CD2AP: variants seen among roughly 807,000 people sequenced by gnomAD.
CD2AP encodes CD2-associated protein.
A neutral mutation model predicts 85.1 loss-of-function variants in CD2AP; 46 were observed. The ratio of observed to expected loss-of-function variants is 0.54; its 90% CI spans 0.43 to 0.69. The LOEUF (loss-of-function observed/expected upper bound fraction) is 0.69, where lower values mean the gene tolerates loss of function less well. Among genes scored for constraint, CD2AP ranks in the 30% least tolerant of loss-of-function variants. The pLI is 0.00. For synonymous variants in CD2AP, 255 were observed against 252.9 expected, an observed-to-expected ratio of 1.01 and a Z score of -0.08; for missense variants, 769 against 729.5, an observed-to-expected ratio of 1.05 and a Z score of -0.62.
rs544446663 is a variant in CD2AP at position 47,567,154 on chromosome 6, T to G, written c.542-6910T>G. On this transcript the variant is annotated intron_variant, in intron 5 of 17. Transcript: ENST00000359314. Reference sequence around the variant, plus strand: ...TGGAAATTTGGTGGTTTTTCACTATTGTAGTCCATTTGTTTGCTGCTATCT... The same window carrying G: ...TGGAAATTTGGTGGTTTTTCACTATGGTAGTCCATTTGTTTGCTGCTATCT... 2.0e-4 allele frequency among the ~76,000 whole-genome samples: 31 copies of G among 152,208 alleles called. No homozygotes were observed. The South Asian group carries it at 6.2e-3, about 31-fold the overall frequency.
chr6:47,571,821 T>C (rs970421821), intron 5 of CD2AP, among the ~76,000 whole-genome samples: 4 of 152,148 alleles, frequency 2.6e-5, no homozygotes, highest in African/African-American at 9.7e-5. Context: ...AGAGGCGAAG[T>C]GGGGCTAAAT....
chr6:47,551,905 A>G (rs1181700727), intron 4 of CD2AP, among the ~76,000 whole-genome samples: 3 of 152,152 alleles, frequency 2.0e-5, no homozygotes, highest in Non-Finnish European at 4.4e-5. Flanking sequence ...CGGACTTACT[A>G]TATGGCAGTT....
At chr6:47,503,785 A>G (rs558962217) in intron 2 of CD2AP, among the ~76,000 whole-genome samples, 1 of 152,326 alleles carries the variant, frequency 6.6e-6, no homozygotes, top group East Asian at 1.9e-4. Flanking sequence ...AGCCTACAGT[A>G]TACTTGTGAA....
At chr6:47,485,642 G>C (rs9349407) in intron 1 of CD2AP, among the ~76,000 whole-genome samples, 35,025 of 152,052 alleles carry the variant, frequency 0.23, 4,169 homozygotes, top group Non-Finnish European at 0.27. Flanking sequence ...GTATACTAAT[G>C]TCCTAGGCCT....
intron 17 of CD2AP, among the ~76,000 whole-genome samples, chr6:47,617,259 C>T (rs1002968933): frequency 3.9e-5 from 6 of 152,206 alleles, no homozygotes; most frequent in African/African-American, 7.2e-5. Context: ...GCCACCATGC[C>T]TGGCCTTCCT....
chr6:47,558,444 A>G (rs1206893827), intron 5 of CD2AP, among the ~76,000 whole-genome samples: 1 of 152,206 alleles, frequency 6.6e-6, no homozygotes, highest in Non-Finnish European at 1.5e-5. Context: ...ATTCAGTATG[A>G]TAATGGCTAT....
intron 2 of CD2AP, among the ~76,000 whole-genome samples, chr6:47,505,613 G>A (rs1582487716): frequency 9.7e-6 from 1 of 102,984 alleles, no homozygotes; most frequent in Middle Eastern, 4.9e-3. Context: ...GGCTGGCCGG[G>A]CGGGGGGGGC....
intron 15 of CD2AP, 72 bp from the exon 16 acceptor site, chr6:47,609,051 C>T (rs1769349740): frequency 8.4e-7 from 1 of 1,187,304 alleles, no homozygotes; most frequent in African/African-American, 1.6e-5. Flanking sequence ...TGTTTTTCTT[C>T]TTGCTGTTAA....
intron 2 of CD2AP, among the ~76,000 whole-genome samples, chr6:47,526,179 A>G (rs567776707): frequency 1.3e-5 from 2 of 152,296 alleles, no homozygotes; most frequent in African/African-American, 4.8e-5. Flanking sequence ...ATTGAAATTG[A>G]TAGCCAAAGA....
At chr6:47,612,602 A>C in intron 17 of CD2AP, 66 bp downstream of exon 17, 1 of 1,083,240 alleles carries the variant, frequency 9.2e-7, no homozygotes, top group Non-Finnish European at 1.4e-6. Context: ...TCCCAACCCA[A>C]CTGGGTAATC....
intron 1 of CD2AP, among the ~76,000 whole-genome samples, chr6:47,488,673 G>T (rs558055612): frequency 6.8e-6 from 1 of 147,426 alleles, no homozygotes; most frequent in East Asian, 2.0e-4. Context: ...GATTGCTTGA[G>T]ACTAGTAGTT....
chr6:47,569,762 T>C (rs935529944), intron 5 of CD2AP, among the ~76,000 whole-genome samples: 6 of 152,104 alleles, frequency 3.9e-5, no homozygotes, highest in Non-Finnish European at 8.8e-5. Flanking sequence ...AGATAGTAGA[T>C]AGAAATTTGT....
At chr6:47,568,068 G>A (rs75336816) in intron 5 of CD2AP, among the ~76,000 whole-genome samples, 4,346 of 152,178 alleles carry the variant, frequency 0.029, 96 homozygotes, top group Non-Finnish European at 0.041. Flanking sequence ...CAAAGAACAG[G>A]ACCTAGTGAT....
Position 47,505,011 on chromosome 6 carries a change from CTTTTTTTTT to C in CD2AP, c.165+1588_165+1596del, listed in dbSNP as rs58060161. On this transcript the variant is annotated intron_variant, in intron 2 of 17. Coordinates refer to ENST00000359314, the MANE Select transcript of CD2AP (RefSeq NM_012120.3). ...AAGGCTGGGGTGGCTGTGGCAGTTT[CTTTTTTTTT>C]TTTTTTTTTTTTTTTTAATTTATTT... Among the ~76,000 whole-genome samples the C allele has an allele frequency of 2.3e-3, 223 of 95,120 alleles. 2 individuals are homozygous for C. Among genetic ancestry groups the C allele is most frequent in the African/African-American group, 7.5e-3 (178 of 23,694 alleles). The allele number at this position is 95,120 out of a possible 152,430, so 62.4% of individuals were successfully genotyped here.
chr6:47,478,232 G>T lies in CD2AP; in HGVS notation c.-13G>T. 1 of 1,570,396 alleles carries T rather than the reference G, an allele frequency of 6.4e-7. No individual in the cohort carries two copies. Among genetic ancestry groups the T allele is most frequent in the East Asian group, 2.4e-5 (1 of 42,500 alleles). ...GGAGCGGACGTCGGCTTCTCCCCGC[G>T]GGAGCCCCCAGCATGGGTAAGAGAC... On this transcript the variant is annotated 5_prime_UTR_variant, in exon 1 of 18. Transcript: ENST00000359314.
intron 17 of CD2AP, among the ~76,000 whole-genome samples, chr6:47,622,334 C>T (rs550447525): frequency 6.6e-6 from 1 of 152,296 alleles, no homozygotes; most frequent in African/African-American, 2.4e-5. Context: ...ATTTGCCGCC[C>T]TACCCAGAGT....
At chr6:47,558,946 C>G (rs1368601891) in intron 5 of CD2AP, among the ~76,000 whole-genome samples, 1 of 152,100 alleles carries the variant, frequency 6.6e-6, no homozygotes, top group African/African-American at 2.4e-5. Context: ...ATGAATCCAT[C>G]TAGAGCTGAG....
rs1011724409 is a variant in CD2AP at position 47,544,467 on chromosome 6, G to A, written c.320-139G>A. ...GGTAAAAAGCTAACCAGGGCTGATT[G>A]TGATTAGCTGTTTAGAATGCTCATA... is the stretch of plus-strand genomic sequence containing the variant. On this transcript the variant is annotated intron_variant, in intron 3 of 17. Coordinates refer to ENST00000359314, the MANE Select transcript of CD2AP (RefSeq NM_012120.3). The A allele has an allele frequency of 6.3e-6, 4 of 630,326 alleles. 1 individual carries two copies. Among genetic ancestry groups the A allele is most frequent in the South Asian group, 4.0e-5 (2 of 49,946 alleles). The allele number at this position is 630,326 out of a possible 1,614,324, so 39.0% of individuals were successfully genotyped here.
intron 13 of CD2AP, among the ~76,000 whole-genome samples, chr6:47,602,233 T>C (rs1168550969): frequency 1.3e-5 from 2 of 151,996 alleles, no homozygotes; most frequent in Non-Finnish European, 2.9e-5. Flanking sequence ...TTTCTTTTTT[T>C]AATGACATGA....
Sources: gnomAD v4.1 joint callset for allele counts (sites outside exome capture counted in the v4.1 genomes callset) on GRCh38, gnomAD v4.1.1 for gene constraint, MANE v1.5 for transcripts, NCBI Gene and HGNC (gene_info 2026-07-23, HGNC 2026-07-21) for gene names.